PTPN14: variants seen among roughly 807,000 people sequenced by gnomAD.
PTPN14 encodes the protein protein tyrosine phosphatase non-receptor type 14.
Under a neutral mutation model 126.8 loss-of-function variants are expected in PTPN14, and 53 were observed. The observed-to-expected ratio is 0.42, with a 90% CI of 0.34 to 0.53. The LOEUF (loss-of-function observed/expected upper bound fraction) is 0.53, where lower values mean the gene tolerates loss of function less well. PTPN14 is among the 20% of genes least tolerant of loss of function. The probability of loss-of-function intolerance (pLI) is 0.08; values close to 1 mark genes in which losing one functional copy is unlikely to be tolerated. For synonymous variants in PTPN14, 630 were observed against 599.3 expected (o/e 1.05, Z -0.75); for missense variants, 1,257 against 1,552.9 (o/e 0.81, Z 3.20).
chr1:214,462,528 A>G (rs1660536168), intron 2 of PTPN14, among the ~76,000 whole-genome samples: 1 of 152,190 alleles, frequency 6.6e-6, no homozygotes, highest in South Asian at 2.1e-4. Flanking sequence ...TGCTGGACTG[A>G]TACATGTCCT....
chr1:214,463,206 T>C (rs983602801), intron 2 of PTPN14, among the ~76,000 whole-genome samples: 1 of 152,226 alleles, frequency 6.6e-6, no homozygotes, highest in Non-Finnish European at 1.5e-5. Context: ...AAATACTAGT[T>C]TTCTATAAGA....
chr1:214,425,613 T>C (rs1252944918), intron 3 of PTPN14, among the ~76,000 whole-genome samples: 5 of 152,210 alleles, frequency 3.3e-5, no homozygotes, highest in Non-Finnish European at 7.3e-5. Context: ...GACAGTCAAT[T>C]ACATACTGGC....
intron 1 of PTPN14, among the ~76,000 whole-genome samples, chr1:214,511,056 T>G (rs1654962250): frequency 6.6e-6 from 1 of 151,432 alleles, no homozygotes; most frequent in Non-Finnish European, 1.5e-5. Flanking sequence ...GTCTTTGGTT[T>G]TTTTTTTTTA....
intron 1 of PTPN14, among the ~76,000 whole-genome samples, chr1:214,492,415 G>C (rs1010448738): frequency 6.6e-6 from 1 of 152,154 alleles, no homozygotes; most frequent in Non-Finnish European, 1.5e-5. Flanking sequence ...AACCTGTAGA[G>C]ACACACATAT....
intron 5 of PTPN14, 26 bp downstream of exon 5, chr1:214,411,658 A>G: frequency 1.4e-6 from 2 of 1,424,102 alleles, no homozygotes; most frequent in African/African-American, 2.9e-5. Context: ...TAGAAAATTA[A>G]TTAAGAAAAA....
intron 13 of PTPN14, among the ~76,000 whole-genome samples, chr1:214,381,391 C>T (rs1658468808): frequency 6.6e-6 from 1 of 152,126 alleles, no homozygotes; most frequent in African/African-American, 2.4e-5. Context: ...TGCTTTATTC[C>T]ATGCTGGGAA....
At chr1:214,483,883 C>G (rs938853059) in intron 1 of PTPN14, among the ~76,000 whole-genome samples, 31 of 152,154 alleles carry the variant, frequency 2.0e-4, no homozygotes, top group African/African-American at 6.3e-4. Flanking sequence ...GCTTATTTAA[C>G]AGAAAACACA....
In PTPN14 at chr1:214,364,766, A is replaced by G. The variant is rs112344351; in HGVS notation, c.3272-91T>C. 4.2e-4 allele frequency: 248 copies of G among 591,982 alleles called. 1 individual carries two copies. The African/African-American group carries it at 4.7e-3, about 11-fold the overall frequency. 36.7% of individuals were successfully genotyped at this position (591,982 alleles called of 1,614,324 possible). A position where few individuals can be genotyped will look rare whatever the true frequency, so the allele number is the denominator to read the frequency against. On this transcript the variant is annotated intron_variant, in intron 17 of 18. Transcript: ENST00000366956. This position sits in a 1 kb window ranked among gnomAD's most constrained non-coding sequence, Gnocchi z 4.1. ...GGGGAGCGGAAGAGAACTGATGGTGAGTGTGTGTGTGTGTGTGTGTGTGTG... is the reference window on the plus strand; with the variant it reads ...GGGGAGCGGAAGAGAACTGATGGTGGGTGTGTGTGTGTGTGTGTGTGTGTG...
intron 1 of PTPN14, among the ~76,000 whole-genome samples, chr1:214,525,961 A>AC (rs1251521608): frequency 7.8e-6 from 1 of 127,824 alleles, no homozygotes; most frequent in Non-Finnish European, 1.7e-5. Context: ...GCTAAAGTCA[A>AC]CTTTTTTTTT....
At chr1:214,419,552 C>T (rs970457458) in intron 3 of PTPN14, among the ~76,000 whole-genome samples, 1 of 152,152 alleles carries the variant, frequency 6.6e-6, no homozygotes, top group African/African-American at 2.4e-5. Context: ...TCATAACTAG[C>T]AATATCAGAG....
chr1:214,402,046 T>G lies in PTPN14; in HGVS notation c.582-274A>C, dbSNP rs569400310. On this transcript the variant is annotated intron_variant, in intron 6 of 18. Transcript: ENST00000366956. ...TGAAATCATTATTCCAGACATCCCT[T>G]CGAATATGTTGCCTACTTTAAAAAG... Among the ~76,000 whole-genome samples, 4 of 152,110 alleles carry G rather than the reference T, an allele frequency of 2.6e-5. No individual in the cohort carries two copies. The South Asian group carries it at 8.3e-4, about 32-fold the overall frequency.
chr1:214,535,775 T>G (rs1655689453), intron 1 of PTPN14, among the ~76,000 whole-genome samples: 1 of 122,060 alleles, frequency 8.2e-6, no homozygotes, highest in African/African-American at 4.4e-5. Context: ...CAAGACTCCA[T>G]CTCAAAAAAA....
At chr1:214,465,039 C>T in intron 1 of PTPN14, 82 bp from the exon 2 acceptor site, 1 of 289,868 alleles carries the variant, frequency 3.4e-6, no homozygotes, top group Non-Finnish European at 5.8e-6. Flanking sequence ...ACAGAAGCCC[C>T]CCCCCCCCCC....
At chr1:214,512,255 C>T (rs906847870) in intron 1 of PTPN14, among the ~76,000 whole-genome samples, 3 of 152,194 alleles carry the variant, frequency 2.0e-5, no homozygotes, top group Non-Finnish European at 4.4e-5. Flanking sequence ...CTTAGCTGCT[C>T]ACCCTGTCCT....
intron 1 of PTPN14, chr1:214,530,964 CT>C (rs1655531531): frequency 6.6e-6 from 1 of 152,188 alleles, no homozygotes; most frequent in African/African-American, 2.4e-5. Flanking sequence ...TCAGTACCAA[CT>C]TTGCCTCAAA....
Position 214,464,747 on chromosome 1 carries a change from G to A in PTPN14, c.57C>T (p.Asn19=). 3.1e-6 allele frequency: 5 copies of A among 1,614,288 alleles called. No individual in the cohort carries two copies. The highest frequency in any genetic ancestry group is 4.2e-6 in the Non-Finnish European group (5 of 1,180,048). Residue 19 remains asparagine, a synonymous_variant, in exon 2 of 19, where the codon AAC becomes AAT. Coordinates refer to ENST00000366956, the MANE Select transcript of PTPN14 (RefSeq NM_005401.5). ...RTRRYNVLSK[N]CFVTRIRLLD... is the part of the protein sequence containing the mutation. ...GCAGGCGAATCCGTGTGACAAAGCAGTTCTTGCTCAGGACGTTGTAGCGCC... is the reference window on the plus strand; with the variant it reads ...GCAGGCGAATCCGTGTGACAAAGCAATTCTTGCTCAGGACGTTGTAGCGCC...
chr1:214,383,816 CCCT>C lies in PTPN14; in HGVS notation c.2036_2038del (p.Glu679del). ...CTGGGGGACCTCGTGGCTGCCTGAC[CCCT>C]CCTCGGGCGGTCCCTGCTCCCGGAG... is the stretch of plus-strand genomic sequence containing the variant. On this transcript the variant is annotated inframe_deletion, in exon 13 of 19. Transcript: ENST00000366956. The surrounding 1 kb of genome is among the most constrained non-coding windows in gnomAD (Gnocchi z 4.4). The C allele has an allele frequency of 4.3e-6, 7 of 1,612,654 alleles. No individual in the cohort carries two copies. Among genetic ancestry groups the C allele is most frequent in the Non-Finnish European group, 5.9e-6 (7 of 1,180,000 alleles).
chr1:214,410,672 G>A (rs1328302293), intron 5 of PTPN14, among the ~76,000 whole-genome samples: 2 of 152,176 alleles, frequency 1.3e-5, no homozygotes, highest in African/African-American at 2.4e-5. Context: ...TCTGCATGTA[G>A]ATGGCCAGTT....
At chr1:214,401,316 A>C (rs1659010676) in intron 7 of PTPN14, among the ~76,000 whole-genome samples, 1 of 152,236 alleles carries the variant, frequency 6.6e-6, no homozygotes, top group African/African-American at 2.4e-5. Flanking sequence ...TGGCTCAATG[A>C]AGAGAAAAAG....
Sources: allele counts gnomAD v4.1 joint callset (sites outside exome capture counted in the v4.1 genomes callset), GRCh38; gene constraint gnomAD v4.1.1; non-coding constraint Gnocchi (gnomAD v3.1); transcripts MANE v1.5; gene names NCBI Gene and HGNC (gene_info 2026-07-23, HGNC 2026-07-21).